ASTN2: variants seen among roughly 807,000 people sequenced by gnomAD.
ASTN2 encodes astrotactin 2.
In ASTN2, 54 loss-of-function variants were observed where a neutral mutation model predicts 139.8. That is an observed-to-expected ratio of 0.39 (90% CI 0.31 to 0.48). The LOEUF (loss-of-function observed/expected upper bound fraction) is 0.48. ASTN2 is among the 20% of genes least tolerant of loss of function. ASTN2 has a pLI of 0.95. For missense variants in ASTN2, 1,565 were observed against 1,725.1 expected (o/e 0.91, Z 1.64); for synonymous variants, 756 against 719.5 (o/e 1.05, Z -0.81).
rs1388690557 is a variant in ASTN2, at chr9:116,878,905, A to G, written c.1890-15172T>C. On this transcript the variant is annotated intron_variant, in intron 10 of 22. Coordinates refer to ENST00000313400, the MANE Select transcript of ASTN2 (RefSeq NM_001365068.1). Reference sequence around the variant, plus strand: ...TCATCTCAAACAGAAGAGGCTCATTAAGATGGGAAGTCCTGGGGTCTCAGG... The same window carrying G: ...TCATCTCAAACAGAAGAGGCTCATTGAGATGGGAAGTCCTGGGGTCTCAGG... Among the ~76,000 whole-genome samples the G allele has an allele frequency of 3.3e-5, 5 of 151,642 alleles. No individual in the cohort carries two copies. The East Asian group carries it at 9.8e-4, about 30-fold the overall frequency.
chr9:117,258,040 A>G (rs1032564821), intron 2 of ASTN2, among the ~76,000 whole-genome samples: 3 of 152,176 alleles, frequency 2.0e-5, no homozygotes, highest in African/African-American at 7.2e-5. Context: ...GAGGCCAGTA[A>G]AAAGAAGAGT....
chr9:116,699,101 G>T lies in ASTN2; in HGVS notation c.2806+26670C>A. Reference sequence around the variant, plus strand: ...CTGACAGCTATGATAACTCCCTCAAGGTATATACCTTGGATGGCCACTGCG... The same window carrying T: ...CTGACAGCTATGATAACTCCCTCAATGTATATACCTTGGATGGCCACTGCG... On this transcript the variant is annotated intron_variant, in intron 16 of 22. Transcript: ENST00000313400. This position sits in a 1 kb window ranked among gnomAD's most constrained non-coding sequence, Gnocchi z 4.2. 1 of 1,614,024 alleles carries T rather than the reference G, an allele frequency of 6.2e-7. No homozygotes were observed.
chr9:116,937,646 C>CT (rs1380056516), intron 10 of ASTN2, among the ~76,000 whole-genome samples: 1 of 152,002 alleles, frequency 6.6e-6, no homozygotes, highest in East Asian at 1.9e-4. Context: ...AACTACATTA[C>CT]TTTTGGGGGA....
At chr9:116,868,676 C>CCAGAAATTTAT in intron 10 of ASTN2, among the ~76,000 whole-genome samples, 1 of 152,226 alleles carries the variant, frequency 6.6e-6, no homozygotes, top group African/African-American at 2.4e-5. Flanking sequence ...AATTTATTCT[C>CCAGAAATTTAT]TCGCCATTCT....
At chr9:116,900,072 T>C (rs1049742503) in intron 10 of ASTN2, among the ~76,000 whole-genome samples, 1 of 152,212 alleles carries the variant, frequency 6.6e-6, no homozygotes, top group African/African-American at 2.4e-5. Context: ...CCTCCAAATT[T>C]TCAGTGAGGC....
intron 13 of ASTN2, among the ~76,000 whole-genome samples, chr9:116,768,751 G>A (rs1170697060): frequency 6.6e-6 from 1 of 152,078 alleles, no homozygotes; most frequent in African/African-American, 2.4e-5. Flanking sequence ...CTAGAAAGTG[G>A]GCTCTCAACA....
At chr9:116,740,187 G>T (rs943259387) in intron 13 of ASTN2, among the ~76,000 whole-genome samples, 35 of 152,200 alleles carry the variant, frequency 2.3e-4, no homozygotes, top group African/African-American at 8.4e-4. Flanking sequence ...ATTCTAAAAT[G>T]AACAATGCCA....
intron 13 of ASTN2, among the ~76,000 whole-genome samples, chr9:116,759,482 C>T (rs1370614245): frequency 1.3e-5 from 2 of 152,168 alleles, no homozygotes; most frequent in East Asian, 1.9e-4. Flanking sequence ...CTGTGTTTTG[C>T]TGCTACCAGT....
At chr9:116,600,323 CAAAAAAAAAAAAAAA>C (rs35224783) in intron 19 of ASTN2, among the ~76,000 whole-genome samples, 48,505 of 120,870 alleles carry the variant, frequency 0.4, 9,160 homozygotes, top group South Asian at 0.64. Flanking sequence ...GACCCTGTCT[CAAAAAAAAAAAAAAA>C]AAAAAAAAAG....
At chr9:116,977,330 A>T (rs931634322) in intron 7 of ASTN2, among the ~76,000 whole-genome samples, 2 of 151,992 alleles carry the variant, frequency 1.3e-5, no homozygotes, top group Non-Finnish European at 2.9e-5. Flanking sequence ...TTTCATTTTT[A>T]AATTATTTTT....
chr9:116,750,153 A>G (rs1829358595), intron 13 of ASTN2, among the ~76,000 whole-genome samples: 2 of 152,220 alleles, frequency 1.3e-5, no homozygotes, highest in South Asian at 2.1e-4. Context: ...TAGACTGGAC[A>G]GCAAATTAAA....
rs1397740832 is a variant in ASTN2 at position 117,039,985 on chromosome 9, CA to C, written c.1277-21del. The C allele has an allele frequency of 6.3e-7, 1 of 1,583,358 alleles. No homozygotes were observed. The highest frequency in any genetic ancestry group is 8.6e-7 in the Non-Finnish European group (1 of 1,161,532). On this transcript the variant is annotated intron_variant, in intron 5 of 22. Transcript: ENST00000313400. ...GCAAACCTGGTAACAAGAACATACACAAAGACACAAAATTCCATGAGGTGAG... is the reference window on the plus strand; with the variant it reads ...GCAAACCTGGTAACAAGAACATACACAAGACACAAAATTCCATGAGGTGAG...
intron 19 of ASTN2, among the ~76,000 whole-genome samples, chr9:116,551,249 A>T (rs1852329062): frequency 6.6e-6 from 1 of 152,216 alleles, no homozygotes; most frequent in Non-Finnish European, 1.5e-5. Flanking sequence ...AATGAATCAC[A>T]TGTTGCAAAA....
intron 13 of ASTN2, among the ~76,000 whole-genome samples, chr9:116,751,222 A>G (rs1349796502): frequency 6.6e-6 from 1 of 152,224 alleles, no homozygotes; most frequent in African/African-American, 2.4e-5. Flanking sequence ...AAAAGAGACT[A>G]TGCATATAGA....
intron 16 of ASTN2, among the ~76,000 whole-genome samples, chr9:116,711,474 A>G (rs976186108): frequency 6.6e-6 from 1 of 152,208 alleles, no homozygotes; most frequent in Non-Finnish European, 1.5e-5. Context: ...TATGACTTCA[A>G]TCATGTATGC....
chr9:116,601,899 T>A (rs1314702610), intron 19 of ASTN2, among the ~76,000 whole-genome samples: 1 of 152,174 alleles, frequency 6.6e-6, no homozygotes, highest in Admixed American at 6.5e-5. Flanking sequence ...TTGGACTAGA[T>A]GTGGTAACCC....
intron 7 of ASTN2, among the ~76,000 whole-genome samples, chr9:116,993,876 A>ATATATATATATATATTTT (rs1030120382): frequency 2.1e-5 from 3 of 142,058 alleles, no homozygotes; most frequent in South Asian, 2.2e-4. Context: ...ATATATATAT[A>ATATATATATATATATTTT]TTTTAACTAT....
At chr9:116,657,263 T>A (rs1011572183) in intron 16 of ASTN2, among the ~76,000 whole-genome samples, 1 of 152,188 alleles carries the variant, frequency 6.6e-6, no homozygotes, top group African/African-American at 2.4e-5. Context: ...GTGCCCTTTA[T>A]AAATAATAGT....
chr9:117,377,276 G>A (rs536652316), intron 1 of ASTN2, among the ~76,000 whole-genome samples: 9 of 152,072 alleles, frequency 5.9e-5, no homozygotes, highest in African/African-American at 1.9e-4. Context: ...AGGGCAGGAG[G>A]TTAACCAAGC....
Sources: allele counts gnomAD v4.1 joint callset (sites outside exome capture counted in the v4.1 genomes callset), GRCh38; gene constraint gnomAD v4.1.1; non-coding constraint Gnocchi (gnomAD v3.1); transcripts MANE v1.5; gene names NCBI Gene and HGNC (gene_info 2026-07-23, HGNC 2026-07-21).